Variants in LIPA observed in about 807,000 individuals in gnomAD.
LIPA encodes the protein lysosomal acid lipase/cholesteryl ester hydrolase.
A neutral mutation model predicts 40.6 loss-of-function variants in LIPA; 26 were observed. That is an observed-to-expected ratio of 0.64 (90% CI 0.47 to 0.89). The LOEUF is 0.89. Among genes scored for constraint, LIPA ranks in the 40% least tolerant of loss-of-function variants. LIPA has a pLI of 0.00. For synonymous variants in LIPA, 188 were observed against 168.4 expected (o/e 1.12, Z -0.90); for missense variants, 455 against 479.6 (o/e 0.95, Z 0.48).
At chr10:89,334,323 G>C (rs1843695213) in intron 1 of LIPA, among the ~76,000 whole-genome samples, 2 of 151,826 alleles carry the variant, frequency 1.3e-5, no homozygotes, top group South Asian at 4.2e-4. Context: ...TCTTATGTCT[G>C]CAATCCGAGG....
At chr10:89,269,280 A>G (rs2133491610) in intron 1 of LIPA, among the ~76,000 whole-genome samples, 1 of 152,320 alleles carries the variant, frequency 6.6e-6, no homozygotes, top group South Asian at 2.1e-4. Context: ...CAGTGAGCCA[A>G]GATCTCACCA....
At chr10:89,225,974 A>C (rs1417954802) in intron 5 of LIPA, among the ~76,000 whole-genome samples, 1 of 152,144 alleles carries the variant, frequency 6.6e-6, no homozygotes, top group Admixed American at 6.5e-5. Context: ...ACAATCCATT[A>C]AACTGTGAGT....
intron 1 of LIPA, among the ~76,000 whole-genome samples, chr10:89,294,432 G>C (rs1843396502): frequency 6.6e-6 from 1 of 152,182 alleles, no homozygotes. Context: ...CATGATGGAA[G>C]GGTAAATAGG....
chr10:89,379,474 C>CT (rs1203839282), intron 2 of LIPA, among the ~76,000 whole-genome samples: 1 of 152,070 alleles, frequency 6.6e-6, no homozygotes, highest in Non-Finnish European at 1.5e-5. Context: ...ATATATATTT[C>CT]TTTTTTTCCT....
intron 1 of LIPA, among the ~76,000 whole-genome samples, chr10:89,265,464 T>C (rs989777324): frequency 1.3e-5 from 2 of 152,234 alleles, no homozygotes; most frequent in African/African-American, 2.4e-5. Flanking sequence ...AGTAAACATA[T>C]CCTTTTGTGG....
chr10:89,368,477 C>T (rs1389669512), intron 2 of LIPA, among the ~76,000 whole-genome samples: 1 of 152,216 alleles, frequency 6.6e-6, no homozygotes, highest in Non-Finnish European at 1.5e-5. Context: ...TATTCATCAC[C>T]TTCTTCCTCT....
chr10:89,249,534 A>G (rs1015378954), intron 1 of LIPA, among the ~76,000 whole-genome samples: 1 of 152,246 alleles, frequency 6.6e-6, no homozygotes, highest in African/African-American at 2.4e-5. Flanking sequence ...TGGATAAATT[A>G]TGGTATATAC....
intron 2 of LIPA, among the ~76,000 whole-genome samples, chr10:89,379,095 A>T (rs530739963): frequency 2.0e-5 from 3 of 152,374 alleles, no homozygotes; most frequent in Non-Finnish European, 4.4e-5. Flanking sequence ...CGTGGGAAAA[A>T]GAAGCTACTT....
chr10:89,351,009 C>G (rs1041766848), intron 2 of LIPA, among the ~76,000 whole-genome samples: 1 of 152,074 alleles, frequency 6.6e-6, no homozygotes, highest in Non-Finnish European at 1.5e-5. Context: ...GAACCTAAGA[C>G]GGGAAGAGGA....
chr10:89,408,089 G>C (rs188063144), intron 2 of LIPA, among the ~76,000 whole-genome samples: 30 of 152,276 alleles, frequency 2.0e-4, no homozygotes, highest in Admixed American at 4.6e-4. Context: ...AACCATGGGT[G>C]GTTTTGTCTT....
intron 1 of LIPA, among the ~76,000 whole-genome samples, chr10:89,257,330 G>T (rs1328799102): frequency 6.6e-6 from 1 of 152,110 alleles, no homozygotes; most frequent in Non-Finnish European, 1.5e-5. Context: ...ACTATAAAAA[G>T]AAAGTTTTAT....
chr10:89,217,943 C>T (rs1022479111), intron 8 of LIPA, among the ~76,000 whole-genome samples: 4 of 151,950 alleles, frequency 2.6e-5, no homozygotes, highest in African/African-American at 9.7e-5. Context: ...AAGGGGTATG[C>T]CACTGTCATA....
intron 1 of LIPA, among the ~76,000 whole-genome samples, chr10:89,274,000 A>G (rs1314484954): frequency 6.6e-6 from 1 of 152,210 alleles, no homozygotes; most frequent in African/African-American, 2.4e-5. Context: ...GCCGAAGAAA[A>G]TATTTACTAT....
chr10:89,365,321 G>C lies in LIPA; in HGVS notation c.61+47470C>G, dbSNP rs188738130. Among the ~76,000 whole-genome samples the C allele has an allele frequency of 1.2e-3, 179 of 152,262 alleles. 1 individual carries two copies. Among genetic ancestry groups the C allele is most frequent in the East Asian group, 6.0e-3 (31 of 5,192 alleles). ...CTAAAGACAGAGATCTTGTAAATTT[G>C]TTTGAGTTCTTTGTAGATTCTGGGT... On this transcript the variant is annotated intron_variant, in intron 2 of 8. Coordinates refer to the LIPA transcript ENST00000371837.
At chr10:89,316,379 T>C (rs1843541590) in intron 1 of LIPA, among the ~76,000 whole-genome samples, 1 of 152,216 alleles carries the variant, frequency 6.6e-6, no homozygotes, top group Admixed American at 6.5e-5. Context: ...AATACTGCGC[T>C]TTTCCAACGG....
chr10:89,274,156 G>T (rs2133494358), intron 1 of LIPA, among the ~76,000 whole-genome samples: 1 of 152,272 alleles, frequency 6.6e-6, no homozygotes, highest in Non-Finnish European at 1.5e-5. Flanking sequence ...AAGTGCAGAA[G>T]CTCACTGGGG....
chr10:89,392,856 T>G, intron 2 of LIPA: 2 of 857,438 alleles, frequency 2.3e-6, no homozygotes, highest in Non-Finnish European at 3.8e-6. Flanking sequence ...ATGGACTGAA[T>G]GTGTGCATGC....
intron 3 of LIPA, among the ~76,000 whole-genome samples, chr10:89,243,402 T>A (rs954233467): frequency 3.3e-5 from 5 of 152,142 alleles, no homozygotes; most frequent in African/African-American, 1.2e-4. Flanking sequence ...ACATCAGTGA[T>A]CCCCTACAGG....
intron 5 of LIPA, 136 bp from the exon 6 acceptor site, chr10:89,225,364 AAACACTTG>A: frequency 9.8e-7 from 1 of 1,022,412 alleles, no homozygotes; most frequent in Non-Finnish European, 1.5e-6. Flanking sequence ...GCAGGAGCCA[AAACACTTG>A]ACATGGGGCA....
Sources: allele counts gnomAD v4.1 joint callset (sites outside exome capture counted in the v4.1 genomes callset), GRCh38; gene constraint gnomAD v4.1.1; transcripts MANE v1.5; gene names NCBI Gene and HGNC (gene_info 2026-07-23, HGNC 2026-07-21).